BCAR3: variants seen among roughly 807,000 people sequenced by gnomAD.
BCAR3 encodes BCAR3 adaptor protein, NSP family member.
In BCAR3, 37 loss-of-function variants were observed where a neutral mutation model predicts 80.1. The ratio of observed to expected loss-of-function variants is 0.46; its 90% CI spans 0.36 to 0.61. BCAR3 has a LOEUF of 0.61. Among genes scored for constraint, BCAR3 ranks in the 20% least tolerant of loss-of-function variants. The pLI is 0.00. For missense variants in BCAR3, 978 were observed against 1,068.2 expected (o/e 0.92, Z 1.18); for synonymous variants, 389 against 418.9 (o/e 0.93, Z 0.87).
chr1:93,601,146 C>T (rs1447961123), intron 3 of BCAR3, among the ~76,000 whole-genome samples: 1 of 152,192 alleles, frequency 6.6e-6, no homozygotes, highest in Non-Finnish European at 1.5e-5. Context: ...GCATCTGGCA[C>T]TATACCTGGC....
chr1:93,704,542 A>G (rs1649768596), intron 3 of BCAR3, among the ~76,000 whole-genome samples: 1 of 152,216 alleles, frequency 6.6e-6, no homozygotes, highest in Non-Finnish European at 1.5e-5. Flanking sequence ...TGCCATAGCC[A>G]TGGAGCACTT....
chr1:93,757,971 C>T (rs902202690), intron 2 of BCAR3, among the ~76,000 whole-genome samples: 24 of 152,122 alleles, frequency 1.6e-4, no homozygotes, highest in African/African-American at 3.9e-4. Flanking sequence ...ACTGATCTCA[C>T]GGGGAGCTCT....
chr1:93,811,110 C>T lies in BCAR3; in HGVS notation c.-63+34457G>A, dbSNP rs12046905. On this transcript the variant is annotated intron_variant, in intron 2 of 13. Transcript: ENST00000370244. ...GAATCCAAGGGCAGGAAGTACAGCT[C>T]GTGAGGGACCAAAGCACAGCCGTGA... Among the ~76,000 whole-genome samples, 5 of 152,310 alleles carry T rather than the reference C, an allele frequency of 3.3e-5. No homozygotes were observed. In the East Asian group the frequency reaches 9.6e-4, roughly 29 times the overall value.
intron 2 of BCAR3, among the ~76,000 whole-genome samples, chr1:93,746,569 G>A (rs11164973): frequency 0.4 from 60,191 of 151,710 alleles, 13,142 homozygotes; most frequent in Non-Finnish European, 0.49. Flanking sequence ...CACAGCCTGC[G>A]GGCATCCTCG....
intron 9 of BCAR3, 71 bp downstream of exon 9, chr1:93,571,599 T>C (rs1419486959): frequency 1.3e-6 from 2 of 1,572,040 alleles, no homozygotes; most frequent in East Asian, 2.2e-5. Flanking sequence ...TAAAATAGTC[T>C]GATTTGCCAA....
chr1:93,632,005 T>C (rs1017621079), intron 3 of BCAR3, among the ~76,000 whole-genome samples: 2 of 152,188 alleles, frequency 1.3e-5, no homozygotes, highest in African/African-American at 4.8e-5. Flanking sequence ...CAAGTACCCA[T>C]GCTGCCCCCA....
intron 3 of BCAR3, among the ~76,000 whole-genome samples, chr1:93,629,470 CAATT>C (rs1675543969): frequency 1.3e-5 from 2 of 152,196 alleles, no homozygotes; most frequent in South Asian, 2.1e-4. Context: ...AGAACATTGA[CAATT>C]AATTCTAATA....
chr1:93,572,163 C>A (rs963922147), intron 8 of BCAR3, among the ~76,000 whole-genome samples: 1 of 152,146 alleles, frequency 6.6e-6, no homozygotes. Flanking sequence ...CATGTGGCTC[C>A]TAGTACCCTG....
chr1:93,699,209 CTCCCCTCTG>C (rs1649544501), intron 3 of BCAR3, among the ~76,000 whole-genome samples: 1 of 152,212 alleles, frequency 6.6e-6, no homozygotes, highest in Non-Finnish European at 1.5e-5. Flanking sequence ...AATTTGAATT[CTCCCCTCTG>C]TCTGGCTCCG....
chr1:93,609,095 G>GA (rs1218522559), intron 3 of BCAR3, among the ~76,000 whole-genome samples: 2 of 152,186 alleles, frequency 1.3e-5, no homozygotes, highest in Non-Finnish European at 2.9e-5. Flanking sequence ...AGTTTCACAT[G>GA]AAACCAAGTT....
chr1:93,641,658 C>T (rs975811476), intron 3 of BCAR3, among the ~76,000 whole-genome samples: 12 of 152,146 alleles, frequency 7.9e-5, no homozygotes, highest in African/African-American at 2.2e-4. Flanking sequence ...ACCGCCAGTC[C>T]GGCTGGAAAG....
chr1:93,579,726 A>G (rs866954135), intron 7 of BCAR3, among the ~76,000 whole-genome samples: 23 of 152,288 alleles, frequency 1.5e-4, no homozygotes, highest in Middle Eastern at 3.4e-3. Flanking sequence ...TTCCCCTGGG[A>G]ATCGGGCTGC....
intron 2 of BCAR3, among the ~76,000 whole-genome samples, chr1:93,831,355 A>C (rs1412436308): frequency 1.3e-5 from 2 of 152,044 alleles, no homozygotes; most frequent in Non-Finnish European, 2.9e-5. Flanking sequence ...AAACCTCTTC[A>C]ACTCACACCT....
At chr1:93,674,522 T>A in intron 2 of BCAR3, 92 bp downstream of exon 2, 1 of 1,383,976 alleles carries the variant, frequency 7.2e-7, no homozygotes, top group Non-Finnish European at 9.9e-7. Flanking sequence ...AGTGCTGGGA[T>A]TACAGGTGTG....
intron 3 of BCAR3, among the ~76,000 whole-genome samples, chr1:93,696,215 T>C (rs1649393879): frequency 6.6e-6 from 1 of 152,228 alleles, no homozygotes; most frequent in South Asian, 2.1e-4. Flanking sequence ...TTTAGCTTAG[T>C]TTTCACATCC....
At chr1:93,743,369 C>T (rs1235989902) in intron 2 of BCAR3, among the ~76,000 whole-genome samples, 1 of 152,036 alleles carries the variant, frequency 6.6e-6, no homozygotes, top group Non-Finnish European at 1.5e-5. Context: ...TGGAGGTGAC[C>T]CTTCCAGATC....
chr1:93,661,189 G>A (rs916720385), intron 2 of BCAR3, among the ~76,000 whole-genome samples: 3 of 151,888 alleles, frequency 2.0e-5, no homozygotes, highest in Non-Finnish European at 4.4e-5. Context: ...ACAGGGATGC[G>A]CCACCACGCC....
At chr1:93,790,237 G>A (rs755072811) in intron 2 of BCAR3, among the ~76,000 whole-genome samples, 1 of 151,844 alleles carries the variant, frequency 6.6e-6, no homozygotes, top group African/African-American at 2.4e-5. Flanking sequence ...AGACAATGAA[G>A]AAAAGAAATA....
intron 1 of BCAR3, among the ~76,000 whole-genome samples, chr1:93,846,029 C>T (rs941202565): frequency 4.0e-5 from 6 of 151,440 alleles, no homozygotes; most frequent in Non-Finnish European, 8.8e-5. Context: ...TCTCCACGCT[C>T]ACTAGCTGGG....
Sources: allele counts gnomAD v4.1 joint callset (sites outside exome capture counted in the v4.1 genomes callset), GRCh38; gene constraint gnomAD v4.1.1; transcripts MANE v1.5; gene names NCBI Gene and HGNC (gene_info 2026-07-23, HGNC 2026-07-21).